FRMD5: variants seen among roughly 807,000 people sequenced by gnomAD.
FRMD5 encodes FERM domain-containing protein 5.
FRMD5 carries 20 observed loss-of-function variants against 69.0 expected under a neutral mutation model. The ratio of observed to expected loss-of-function variants is 0.29; its 90% CI spans 0.20 to 0.42. FRMD5 has a LOEUF of 0.42. FRMD5 is among the 10% of genes least tolerant of loss of function. FRMD5 has a pLI of 1.00. For synonymous variants in FRMD5, 271 were observed against 260.1 expected (o/e 1.04, Z -0.40); for missense variants, 595 against 708.6 (o/e 0.84, Z 1.82).
chr15:43,986,970 G>C (rs1042057678), intron 1 of FRMD5, among the ~76,000 whole-genome samples: 5 of 152,072 alleles, frequency 3.3e-5, no homozygotes, highest in Non-Finnish European at 7.4e-5. Context: ...TGTGATCAGT[G>C]ATCTTTGATG....
intron 1 of FRMD5, among the ~76,000 whole-genome samples, chr15:43,932,799 G>A (rs1254709557): frequency 6.6e-6 from 1 of 152,196 alleles, no homozygotes; most frequent in Non-Finnish European, 1.5e-5. Flanking sequence ...AAATGAGAGA[G>A]GGATGGGCAA....
At chr15:43,924,376 T>A (rs2089546478) in intron 1 of FRMD5, 67 bp from the exon 2 acceptor site, 1 of 1,040,610 alleles carries the variant, frequency 9.6e-7, no homozygotes, top group East Asian at 2.4e-5. Flanking sequence ...TTTTTTTTTA[T>A]AGCCATTAAA....
chr15:43,975,916 A>C (rs929539194), intron 1 of FRMD5, among the ~76,000 whole-genome samples: 4 of 152,226 alleles, frequency 2.6e-5, no homozygotes, highest in African/African-American at 7.2e-5. Context: ...TGACACAAAG[A>C]AAGACAAATA....
chr15:43,974,118 G>A (rs2090429123), intron 1 of FRMD5, among the ~76,000 whole-genome samples: 1 of 151,800 alleles, frequency 6.6e-6, no homozygotes, highest in South Asian at 2.1e-4. Flanking sequence ...AGTGCTAAGT[G>A]GAACAGTTGG....
At chr15:43,919,182 G>A (rs1250283139) in intron 4 of FRMD5, 18 of 541,138 alleles carry the variant, frequency 3.3e-5, no homozygotes, top group East Asian at 2.1e-4. Context: ...AAGAAAAGAC[G>A]CTTCTGATTA....
chr15:44,141,523 A>T (rs2077273801), intron 1 of FRMD5, among the ~76,000 whole-genome samples: 1 of 152,210 alleles, frequency 6.6e-6, no homozygotes, highest in Non-Finnish European at 1.5e-5. Flanking sequence ...AAATTAGATC[A>T]CTACCATATA....
intron 1 of FRMD5, 200 bp downstream of exon 1, chr15:44,194,753 G>A: frequency 3.0e-6 from 2 of 659,422 alleles, no homozygotes; most frequent in South Asian, 1.6e-5. Flanking sequence ...CGCGGCGGCG[G>A]TGACACACCG....
At chr15:43,952,688 T>C (rs2090055234) in intron 1 of FRMD5, among the ~76,000 whole-genome samples, 1 of 152,214 alleles carries the variant, frequency 6.6e-6, no homozygotes, top group African/African-American at 2.4e-5. Context: ...CTGTGTCCTC[T>C]TCAATTGGGA....
At chr15:44,166,222 T>C (rs1362657339) in intron 1 of FRMD5, among the ~76,000 whole-genome samples, 2 of 152,200 alleles carry the variant, frequency 1.3e-5, no homozygotes, top group South Asian at 2.1e-4. Flanking sequence ...TAATTCCTCA[T>C]TGTATTAATT....
chr15:43,940,390 G>T (rs2089841778), intron 1 of FRMD5, among the ~76,000 whole-genome samples: 1 of 152,104 alleles, frequency 6.6e-6, no homozygotes, highest in Non-Finnish European at 1.5e-5. Context: ...TGATTCCCTT[G>T]ACTATCCATT....
chr15:43,924,159 T>G, intron 2 of FRMD5, 46 bp downstream of exon 2: 1 of 1,410,886 alleles, frequency 7.1e-7, no homozygotes, highest in African/African-American at 1.4e-5. Flanking sequence ...ACCTCAGTCT[T>G]ATTGACTAGC....
rs1032778072 is a variant in FRMD5, at chr15:43,873,100, G to A, written c.*785C>T. The A allele has an allele frequency of 1.0e-4, 142 of 1,375,756 alleles. No individual in the cohort carries two copies. The African/African-American group carries it at 1.8e-3, about 18-fold the overall frequency. The allele number at this position is 1,375,756 out of a possible 1,614,324, so 85.2% of individuals were successfully genotyped here. A position where few individuals can be genotyped will look rare whatever the true frequency, so the allele number is the denominator to read the frequency against. ...AGGTTCTTCGGAAAAAAAAAATCAC[G>A]TTAAGTCTAGTTTCATTATACAAAA... On this transcript the variant is annotated 3_prime_UTR_variant, in exon 14 of 14. Coordinates refer to ENST00000417257, the MANE Select transcript of FRMD5 (RefSeq NM_032892.5).
chr15:44,167,944 C>CA (rs1452885015), intron 1 of FRMD5, among the ~76,000 whole-genome samples: 2 of 152,208 alleles, frequency 1.3e-5, no homozygotes, highest in Non-Finnish European at 2.9e-5. Flanking sequence ...AGTCCATATT[C>CA]AACAAAGCAG....
At chr15:43,903,992 G>C (rs897315666) in intron 6 of FRMD5, among the ~76,000 whole-genome samples, 9 of 152,176 alleles carry the variant, frequency 5.9e-5, no homozygotes, top group African/African-American at 1.9e-4. Context: ...AGAGTGACTT[G>C]AGGAGCCATG....
chr15:44,132,732 A>C (rs1015520512), intron 1 of FRMD5, among the ~76,000 whole-genome samples: 3 of 126,740 alleles, frequency 2.4e-5, no homozygotes, highest in African/African-American at 8.4e-5. Flanking sequence ...CCTGGACATC[A>C]TGAATGTATG....
intron 1 of FRMD5, among the ~76,000 whole-genome samples, chr15:44,175,875 T>C (rs530174284): frequency 4.6e-5 from 7 of 152,234 alleles, no homozygotes; most frequent in Admixed American, 3.9e-4. Flanking sequence ...TTTTAAAAAT[T>C]AAAGATCCAA....
At position 44,194,934 on chromosome 15, in the gene FRMD5, G is replaced by A; in HGVS notation, c.102+19C>T. The A allele has an allele frequency of 2.0e-6, 3 of 1,511,204 alleles. No homozygotes were observed. The highest frequency in any genetic ancestry group is 2.5e-5 in the South Asian group (2 of 81,286). The allele number at this position is 1,511,204 out of a possible 1,614,324, so 93.6% of individuals were successfully genotyped here. A position where few individuals can be genotyped will look rare whatever the true frequency, so the allele number is the denominator to read the frequency against. On this transcript the variant is annotated intron_variant, in intron 1 of 13. Coordinates refer to ENST00000417257, the MANE Select transcript of FRMD5 (RefSeq NM_032892.5). ...GACAAGGGGGTCCCGCGGGCGGGGC[G>A]GGGCGGCGCGGCGCTGACCTGGATG...
intron 1 of FRMD5, among the ~76,000 whole-genome samples, chr15:43,973,389 A>T (rs1346428015): frequency 6.8e-6 from 1 of 146,326 alleles, no homozygotes; most frequent in Non-Finnish European, 1.5e-5. Context: ...TTTTTGAGAC[A>T]GAGTCTTGCT....
intron 1 of FRMD5, among the ~76,000 whole-genome samples, chr15:44,003,835 T>C (rs1890320637): frequency 6.6e-6 from 1 of 152,202 alleles, no homozygotes; most frequent in South Asian, 2.1e-4. Flanking sequence ...ACTAATTTTT[T>C]TATGTTTATT....
Sources: gnomAD v4.1 joint callset for allele counts (sites outside exome capture counted in the v4.1 genomes callset) on GRCh38, gnomAD v4.1.1 for gene constraint, MANE v1.5 for transcripts, NCBI Gene and HGNC (gene_info 2026-07-23, HGNC 2026-07-21) for gene names.